The following POLD2 variants were observed in gnomAD, a reference collection of about 807,000 sequenced individuals.
POLD2 encodes the protein DNA polymerase delta subunit 2.
In POLD2, 31 loss-of-function variants were observed where a neutral mutation model predicts 48.8. The ratio of observed to expected loss-of-function variants is 0.64; its 90% CI spans 0.48 to 0.86. The LOEUF is 0.86. POLD2 is among the 40% of genes least tolerant of loss of function. The pLI, the probability that POLD2 is intolerant of heterozygous loss-of-function variation, is 0.00. For synonymous variants in POLD2, 233 were observed against 256.3 expected, an observed-to-expected ratio of 0.91 and a Z score of 0.87; for missense variants, 455 against 610.1, an observed-to-expected ratio of 0.75 and a Z score of 2.68.
At chr7:44,123,099 A>G in intron 1 of POLD2, 1 of 340,516 alleles carries the variant, frequency 2.9e-6, no homozygotes, top group Non-Finnish European at 4.6e-6. Context: ...TTTTTCACAT[A>G]CAATTGAAAT....
In POLD2 at chr7:44,117,187, T is replaced by C. The variant is rs767479491; in HGVS notation, c.527A>G (p.Tyr176Cys). 15 of 1,613,938 alleles carry C rather than the reference T, an allele frequency of 9.3e-6. No homozygotes were observed. Among genetic ancestry groups the C allele is most frequent in the African/African-American group, 2.7e-5 (2 of 74,968 alleles). The change falls in exon 5 of 11, where the codon TAT becomes TGT. Residue 176 changes from tyrosine to cysteine, a missense_variant. Tyr to Cys is a radical substitution (Grantham distance 194, BLOSUM62 -2). Coordinates refer to ENST00000610533, the MANE Select transcript of POLD2 (RefSeq NM_006230.4). Reference sequence around the variant, plus strand: ...CTGGGGAGCAAGGTCAGCAAAGCAATAGTCCTCCACCAGAAACTTCCCGTC... The same window carrying C: ...CTGGGGAGCAAGGTCAGCAAAGCAACAGTCCTCCACCAGAAACTTCCCGTC... ...RDDGKFLVED[Y>C]CFADLAPQKP...
Position 44,116,376 on chromosome 7 carries a change from G to T in POLD2, c.861+54C>A. 6.3e-7 allele frequency: 1 copy of T among 1,583,038 alleles called. No individual in the cohort carries two copies. The highest frequency in any genetic ancestry group is 2.3e-5 in the East Asian group (1 of 43,716). ...TCCTGCCTGCCTTCTGTTGCCCAGT[G>T]GCAGCTTTGAAGACTGCAATCCCCA... On this transcript the variant is annotated intron_variant, in intron 7 of 10. Coordinates refer to ENST00000610533, the MANE Select transcript of POLD2 (RefSeq NM_006230.4). The surrounding 1 kb of genome is among the most constrained non-coding windows in gnomAD (Gnocchi z 6.1).
At position 44,116,209 on chromosome 7, in the gene POLD2, G is replaced by A. The variant is rs2096238909; in HGVS notation, c.925C>T (p.Gln309Ter). 6.2e-7 allele frequency: 1 copy of A among 1,613,734 alleles called. No individual in the cohort carries two copies. Among genetic ancestry groups the A allele is most frequent in the Admixed American group, 1.7e-5 (1 of 59,972 alleles). ...GGGAACATGCAGGGGTGGAGGGGCT[G>A]CTGGGGGAGCGTGTAATTGGTGGGA... is the stretch of plus-strand genomic sequence containing the variant. ...FDPTNYTLPQ[Q>*]PLHPCMFPLA... Residue 309 changes from glutamine (Q) to a stop codon, truncating the protein, a stop_gained, in exon 8 of 11, where the codon CAG becomes TAG. Coordinates refer to ENST00000610533, the MANE Select transcript of POLD2 (RefSeq NM_006230.4). LOFTEE classifies it high-confidence loss of function. The surrounding 1 kb of genome is among the most constrained non-coding windows in gnomAD (Gnocchi z 6.1).
chr7:44,117,124 G>A lies in POLD2; in HGVS notation c.581+9C>T, dbSNP rs781405995. The A allele has an allele frequency of 3.1e-6, 5 of 1,612,428 alleles. No homozygotes were observed. The highest frequency in any genetic ancestry group is 4.2e-6 in the Non-Finnish European group (5 of 1,178,464). Reference sequence around the variant, plus strand: ...GAGCTGGTTCCAGCTCCCGAGAACTGCTGCTCACCTATCTGTGTCAAGTGG... The same window carrying A: ...GAGCTGGTTCCAGCTCCCGAGAACTACTGCTCACCTATCTGTGTCAAGTGG... On this transcript the variant is annotated intron_variant, in intron 5 of 10. Coordinates refer to ENST00000610533, the MANE Select transcript of POLD2 (RefSeq NM_006230.4).
chr7:44,118,377 A>G (rs1181901798), intron 2 of POLD2: 2 of 243,826 alleles, frequency 8.2e-6, no homozygotes, highest in African/African-American at 4.5e-5. Flanking sequence ...AAGCCCAGGA[A>G]CACCAGGGAG....
chr7:44,124,309 C>T (rs2096253009), upstream of POLD2: 1 of 151,214 alleles, frequency 6.6e-6, no homozygotes, highest in Non-Finnish European at 1.5e-5. Flanking sequence ...GAATTCCTCA[C>T]CCCATCAAGA....
At chr7:44,122,151 C>T (rs1278707045) in intron 1 of POLD2, 42 bp from the exon 2 acceptor site, 7 of 1,502,538 alleles carry the variant, frequency 4.7e-6, no homozygotes, top group Non-Finnish European at 6.2e-6. Context: ...CTGTCCATCC[C>T]CCAAAGCAGC....
At chr7:44,115,039 C>T in intron 10 of POLD2, 94 bp from the exon 11 acceptor site, 1 of 1,105,718 alleles carries the variant, frequency 9.0e-7, no homozygotes, top group South Asian at 1.5e-5. Context: ...CCCATTGGCA[C>T]ACAGTGGGGC....
rs1447981801 is a variant in POLD2, at chr7:44,121,842, T to C, written c.212A>G (p.Gln71Arg). The change falls in exon 2 of 11, where the codon CAG becomes CGG. Residue 71 changes from glutamine to arginine, a missense_variant. Transcript: ENST00000610533. The surrounding 1 kb of genome is among the most constrained non-coding windows in gnomAD (Gnocchi z 4.5). ...MRPFLENRAQ[Q>R]HWGSGVGVKK... Reference sequence around the variant, plus strand: ...CCCAAACTCTCACTTACCCCAGTGCTGCTGGGCCCGGTTCTCCAGGAAGGG... The same window carrying C: ...CCCAAACTCTCACTTACCCCAGTGCCGCTGGGCCCGGTTCTCCAGGAAGGG... The C allele has an allele frequency of 1.2e-6, 2 of 1,612,642 alleles. No homozygotes were observed. The highest frequency in any genetic ancestry group is 1.7e-6 in the Non-Finnish European group (2 of 1,179,802).
intron 1 of POLD2, 92 bp downstream of exon 1, chr7:44,123,419 C>G (rs985894731): frequency 2.7e-6 from 4 of 1,465,588 alleles, no homozygotes; most frequent in Middle Eastern, 2.4e-4. Context: ...GCGGGACGTC[C>G]GCCAAGACAC....
intron 4 of POLD2, 130 bp from the exon 5 acceptor site, chr7:44,117,377 T>A: frequency 1.5e-5 from 11 of 736,812 alleles, no homozygotes; most frequent in Non-Finnish European, 2.5e-5. Flanking sequence ...GACTCCAGGA[T>A]GCATGCCTGC....
chr7:44,115,348 G>C lies in POLD2; in HGVS notation c.1196C>G (p.Pro399Arg). The change falls in exon 10 of 11, where the codon CCG becomes CGG. Residue 399 changes from proline (P) to arginine (R), a missense_variant. Around this residue, in one of 3 missense-constraint regions of POLD2, gnomAD observed 98 missense variants for 138.6 expected, o/e 0.71. Coordinates refer to ENST00000610533, the MANE Select transcript of POLD2 (RefSeq NM_006230.4). ...KTDPFIFPEC[P>R]HVYFCGNTPS... ...GGTGTTGCCACAAAAGTAGACATGC[G>C]GGCACTCTGGGAAGATGAACGGGTC... is the stretch of plus-strand genomic sequence containing the variant. 1 of 1,613,992 alleles carries C rather than the reference G, an allele frequency of 6.2e-7. No homozygotes were observed. The highest frequency in any genetic ancestry group is 8.5e-7 in the Non-Finnish European group (1 of 1,179,874).
upstream of POLD2, chr7:44,123,737 C>T (rs1391101266): frequency 4.5e-6 from 6 of 1,334,446 alleles, no homozygotes; most frequent in East Asian, 3.1e-5. Flanking sequence ...CAACGCGGGG[C>T]GGGGGCTCGC....
chr7:44,123,103 T>G, intron 1 of POLD2: 1 of 360,936 alleles, frequency 2.8e-6, no homozygotes, highest in East Asian at 9.5e-5. Context: ...TCACATACAA[T>G]TGAAATAATA....
rs1016541642 is a variant in POLD2, at chr7:44,118,218, G to A, written c.221-154C>T. 25 of 853,160 alleles carry A rather than the reference G, an allele frequency of 2.9e-5. 1 individual carries two copies. Among genetic ancestry groups the A allele is most frequent in the Middle Eastern group, 7.1e-4 (2 of 2,820 alleles). 52.8% of individuals were successfully genotyped at this position (853,160 alleles called of 1,614,324 possible). A position where few individuals can be genotyped will look rare whatever the true frequency, so the allele number is the denominator to read the frequency against. On this transcript the variant is annotated intron_variant, in intron 2 of 10. Transcript: ENST00000610533. Reference sequence around the variant, plus strand: ...AGTACAAGGACCCCCTGGACTTCACGGTGACAGTAAAAAGTGAGTCAGCCA... The same window carrying A: ...AGTACAAGGACCCCCTGGACTTCACAGTGACAGTAAAAAGTGAGTCAGCCA...
At chr7:44,118,219 G>T in intron 2 of POLD2, 155 bp from the exon 3 acceptor site, 1 of 850,646 alleles carries the variant, frequency 1.2e-6, no homozygotes, top group Non-Finnish European at 1.8e-6. Flanking sequence ...GGACTTCACG[G>T]TGACAGTAAA....
At position 44,115,386 on chromosome 7, in the gene POLD2, G is replaced by A. The variant is rs751514228; in HGVS notation, c.1158C>T (p.Pro386=). ...PTAPDTLGCY[P]FYKTDPFIFP... is the part of the protein sequence containing the mutation. ...AGATGAACGGGTCAGTTTTGTAGAA[G>A]GGGTAACAACCTGGAGGAGAAGGGG... The change falls in exon 10 of 11, where the codon CCC becomes CCT. Residue 386 remains proline (P), a synonymous_variant. Coordinates refer to ENST00000610533, the MANE Select transcript of POLD2 (RefSeq NM_006230.4). 13 of 1,610,872 alleles carry A rather than the reference G, an allele frequency of 8.1e-6. No homozygotes were observed. Among genetic ancestry groups the A allele is most frequent in the Non-Finnish European group, 9.3e-6 (11 of 1,177,100 alleles).
intron 1 of POLD2, chr7:44,122,315 G>C: frequency 7.3e-7 from 1 of 1,376,266 alleles, no homozygotes; most frequent in Non-Finnish European, 9.3e-7. Context: ...GAAAAGGAAA[G>C]CTAGGAGTGT....
chr7:44,124,005 C>T (rs1203145830), upstream of POLD2, among the ~76,000 whole-genome samples: 2 of 152,216 alleles, frequency 1.3e-5, no homozygotes, highest in South Asian at 2.1e-4. Context: ...GAAAGAAGGC[C>T]CAAGGCCCAC....
Sources: gnomAD v4.1 joint callset for allele counts (sites outside exome capture counted in the v4.1 genomes callset) on GRCh38, gnomAD v4.1.1 for gene constraint, gnomAD v4.1.1 regional missense constraint, Gnocchi (gnomAD v3.1) non-coding constraint, MANE v1.5 for transcripts, NCBI Gene and HGNC (gene_info 2026-07-23, HGNC 2026-07-21) for gene names.